The following GATA4 variants were observed in gnomAD, a reference collection of about 807,000 sequenced individuals.
GATA4 encodes the protein GATA binding protein 4.
In GATA4, 7 loss-of-function variants were observed where a neutral mutation model predicts 37.9. The observed-to-expected ratio is 0.18, with a 90% CI of 0.11 to 0.35. The LOEUF (loss-of-function observed/expected upper bound fraction) is 0.35. Ranked by LOEUF, GATA4 falls within the 10% of genes least tolerant of loss-of-function variation. GATA4 has a pLI of 1.00. For synonymous variants in GATA4, 372 were observed against 292.6 expected (o/e 1.27, Z -2.77); for missense variants, 647 against 653.0 (o/e 0.99, Z 0.10).
intron 1 of GATA4, chr8:11,697,601 G>A (rs1799543581): frequency 6.1e-6 from 6 of 985,312 alleles, no homozygotes; most frequent in African/African-American, 1.7e-5. Context: ...CGCCTGCGCC[G>A]AGGATGGCCG....
At chr8:11,698,685 CG>C (rs1799579338) in intron 1 of GATA4, among the ~76,000 whole-genome samples, 2 of 152,156 alleles carry the variant, frequency 1.3e-5, no homozygotes, top group African/African-American at 4.8e-5. Flanking sequence ...CCCGGAGGCC[CG>C]GGGACTCCCT....
chr8:11,693,478 A>AAGAG (rs113044488), intron 1 of GATA4, among the ~76,000 whole-genome samples: 22 of 144,342 alleles, frequency 1.5e-4, no homozygotes, highest in East Asian at 4.3e-4. Flanking sequence ...AGGGAGAAAG[A>AAGAG]AGAGAGAGAG....
intron 2 of GATA4, among the ~76,000 whole-genome samples, chr8:11,743,910 A>G (rs1018875176): frequency 2.6e-5 from 4 of 152,224 alleles, no homozygotes; most frequent in Non-Finnish European, 5.9e-5. Context: ...TTAGCAAGGT[A>G]TGGGAGGAAG....
intron 1 of GATA4, among the ~76,000 whole-genome samples, chr8:11,693,247 C>G (rs1314788874): frequency 3.3e-5 from 5 of 152,190 alleles, no homozygotes; most frequent in African/African-American, 1.2e-4. Context: ...GGCAGGATCG[C>G]TTGAGCCCAG....
intron 2 of GATA4, among the ~76,000 whole-genome samples, chr8:11,733,906 A>G (rs952103211): frequency 1.3e-5 from 2 of 152,258 alleles, no homozygotes; most frequent in Non-Finnish European, 2.9e-5. Context: ...CAGAGGCATT[A>G]AGAGCCATTA....
At chr8:11,756,740 G>A (rs763116746) in intron 5 of GATA4, 195 bp from the exon 6 acceptor site, 2 of 686,050 alleles carry the variant, frequency 2.9e-6, no homozygotes, top group Non-Finnish European at 5.1e-6. Flanking sequence ...TGGCCTCAAG[G>A]GTTTGAGATG....
At chr8:11,704,710 A>G (rs2130043601) in intron 1 of GATA4, among the ~76,000 whole-genome samples, 1 of 152,316 alleles carries the variant, frequency 6.6e-6, no homozygotes, top group Admixed American at 6.5e-5. Context: ...CATGGAGGGA[A>G]GTAGACGGAG....
At chr8:11,712,287 C>T (rs988256124) in intron 2 of GATA4, among the ~76,000 whole-genome samples, 7 of 152,178 alleles carry the variant, frequency 4.6e-5, no homozygotes, top group African/African-American at 1.7e-4. Context: ...CCCCAGTGAA[C>T]GCAGATTGTT....
intron 2 of GATA4, among the ~76,000 whole-genome samples, chr8:11,726,282 A>T (rs1800919943): frequency 6.6e-6 from 1 of 152,206 alleles, no homozygotes; most frequent in South Asian, 2.1e-4. Context: ...GCCCATGTGG[A>T]TCCCTGGCCA....
intron 2 of GATA4, among the ~76,000 whole-genome samples, chr8:11,744,084 C>T (rs1229033396): frequency 6.6e-6 from 1 of 152,198 alleles, no homozygotes; most frequent in African/African-American, 2.4e-5. Flanking sequence ...CTTGCAGTCT[C>T]AAACCTGACC....
At chr8:11,684,965 C>A (rs1209424775) in intron 1 of GATA4, among the ~76,000 whole-genome samples, 13 of 152,164 alleles carry the variant, frequency 8.5e-5, no homozygotes, top group Admixed American at 8.5e-4. Flanking sequence ...ATTCAAAACC[C>A]AAAAAGTGGT....
chr8:11,686,949 G>A (rs530654791), intron 1 of GATA4, among the ~76,000 whole-genome samples: 1 of 151,138 alleles, frequency 6.6e-6, no homozygotes, highest in East Asian at 1.9e-4. Flanking sequence ...AGTGAAGCGA[G>A]ATTGCGCCAT....
chr8:11,742,348 G>C (rs749971162), intron 2 of GATA4, among the ~76,000 whole-genome samples: 1 of 148,142 alleles, frequency 6.8e-6, no homozygotes, highest in Non-Finnish European at 1.5e-5. Flanking sequence ...ATCTCTCTAC[G>C]TTCCCCCCTC....
chr8:11,689,696 C>T (rs1799250855), upstream of GATA4, among the ~76,000 whole-genome samples: 1 of 152,186 alleles, frequency 6.6e-6, no homozygotes, highest in African/African-American at 2.4e-5. Flanking sequence ...CCCACCCCCA[C>T]CCTTGGCTGG....
intron 6 of GATA4, among the ~76,000 whole-genome samples, chr8:11,757,442 G>A (rs1446850112): frequency 6.6e-6 from 1 of 152,212 alleles, no homozygotes; most frequent in Non-Finnish European, 1.5e-5. Flanking sequence ...CAACACAGAA[G>A]TACAACCTGA....
chr8:11,756,778 A>T, intron 5 of GATA4, 157 bp from the exon 6 acceptor site: 1 of 947,794 alleles, frequency 1.1e-6, no homozygotes, highest in Non-Finnish European at 1.7e-6. Flanking sequence ...CATCCCTGTG[A>T]GAACTGTAGC....
rs1030347563 is a variant in GATA4 at position 11,697,916 on chromosome 8, C to A, written c.-728-2592C>A. ...AATGCCAGATCTCTGGGGGACCCAC[C>A]AGTCCCCTGATGTGCGCGTTGAGGT... On this transcript the variant is annotated intron_variant, in intron 1 of 2. Transcript: ENST00000526974. 7 of 985,378 alleles carry A rather than the reference C, an allele frequency of 7.1e-6. No homozygotes were observed. In the African/African-American group the frequency reaches 1.0e-4, roughly 15 times the overall value. The allele number at this position is 985,378 out of a possible 1,614,324, so 61.0% of individuals were successfully genotyped here.
In GATA4 at chr8:11,708,235, C is replaced by T. The variant is rs181192083; in HGVS notation, c.-78C>T. 6.7e-7 allele frequency: 1 copy of T among 1,481,526 alleles called. No homozygotes were observed. Among genetic ancestry groups the T allele is most frequent in the East Asian group, 2.4e-5 (1 of 40,976 alleles). The allele number at this position is 1,481,526 out of a possible 1,614,324, so 91.8% of individuals were successfully genotyped here. ...CTCCCACGCATATTATCGTTGTTGC[C>T]GTCGTTTTCTCTCCCCGCGTGGCTC... On this transcript the variant is annotated 5_prime_UTR_variant, in exon 2 of 7. Transcript: ENST00000532059. The surrounding 1 kb of genome is among the most constrained non-coding windows in gnomAD (Gnocchi z 6.7).
In GATA4 at chr8:11,750,126, G is replaced by C. The variant is rs116781972; in HGVS notation, c.802G>C (p.Val268Leu). ...PQRRLSASRRVGLSCANCQTT... is the reference protein window; with the variant it reads ...PQRRLSASRRLGLSCANCQTT... ...TGTCTTGCAGTCCGCCTCCCGCCGA[G>C]TGGGCCTCTCCTGTGCCAACTGCCA... Residue 268 changes from valine (V) to leucine (L), a missense_variant, in exon 4 of 7, where the codon GTG (valine) becomes CTG (leucine). Physicochemically the swap from Val to Leu is conservative, Grantham distance 32. Around this residue, in one of 5 missense-constraint regions of GATA4, gnomAD observed 56 missense variants for 64.5 expected, o/e 0.87. Coordinates refer to ENST00000532059, the MANE Select transcript of GATA4 (RefSeq NM_001308093.3). 8.7e-6 allele frequency: 14 copies of C among 1,614,022 alleles called. No homozygotes were observed. Among genetic ancestry groups the C allele is most frequent in the Non-Finnish European group, 1.2e-5 (14 of 1,180,062 alleles).
Sources: allele counts gnomAD v4.1 joint callset (sites outside exome capture counted in the v4.1 genomes callset), GRCh38; gene constraint gnomAD v4.1.1; regional missense constraint gnomAD v4.1.1; non-coding constraint Gnocchi (gnomAD v3.1); transcripts MANE v1.5; gene names NCBI Gene and HGNC (gene_info 2026-07-23, HGNC 2026-07-21).